NAALADL2: variants seen among roughly 807,000 people sequenced by gnomAD.
NAALADL2 encodes N-acetylated alpha-linked acidic dipeptidase like 2.
NAALADL2 carries 76 observed loss-of-function variants against 87.2 expected under a neutral mutation model. The observed-to-expected ratio is 0.87, with a 90% CI of 0.72 to 1.05. NAALADL2 has a LOEUF of 1.05. Among genes scored for constraint, NAALADL2 ranks in the 50% least tolerant of loss-of-function variants. The pLI is 0.00. For synonymous variants in NAALADL2, 354 were observed against 331.0 expected, an observed-to-expected ratio of 1.07 and a Z score of -0.75; for missense variants, 1,089 against 945.8, an observed-to-expected ratio of 1.15 and a Z score of -1.99.
intron 1 of NAALADL2, among the ~76,000 whole-genome samples, chr3:175,023,693 T>C (rs1162328951): frequency 1.3e-5 from 2 of 152,060 alleles, no homozygotes; most frequent in African/African-American, 4.8e-5. Context: ...CTAATAACAA[T>C]GAAATGCTTC....
chr3:174,924,142 A>G (rs1004295423), intron 1 of NAALADL2, among the ~76,000 whole-genome samples: 6 of 151,996 alleles, frequency 3.9e-5, no homozygotes, highest in Admixed American at 3.9e-4. Flanking sequence ...TACGTGTACC[A>G]TGTTGGTGTG....
intron 1 of NAALADL2, among the ~76,000 whole-genome samples, chr3:174,524,726 AAAAAG>A (rs1720577794): frequency 6.6e-6 from 1 of 151,860 alleles, no homozygotes; most frequent in African/African-American, 2.4e-5. Context: ...TAAAAAAAAA[AAAAAG>A]AAGAAAACAT....
intron 13 of NAALADL2, among the ~76,000 whole-genome samples, chr3:175,763,768 C>A (rs375144855): frequency 5.1e-4 from 77 of 152,246 alleles, no homozygotes; most frequent in African/African-American, 1.8e-3. Context: ...TCTTTATTCT[C>A]TCTCCACATT....
chr3:175,398,458 A>G (rs1202117772), intron 5 of NAALADL2, among the ~76,000 whole-genome samples: 1 of 147,098 alleles, frequency 6.8e-6, no homozygotes, highest in Non-Finnish European at 1.5e-5. Context: ...AAAGCACTGT[A>G]TGGTTCTCAT....
chr3:174,969,646 C>A (rs75967312), intron 1 of NAALADL2, among the ~76,000 whole-genome samples: 321 of 152,226 alleles, frequency 2.1e-3, no homozygotes, highest in African/African-American at 7.2e-3. Context: ...ACAACACCTT[C>A]AGGATACGGA....
At chr3:175,346,807 C>T (rs1329895920) in intron 5 of NAALADL2, among the ~76,000 whole-genome samples, 1 of 152,096 alleles carries the variant, frequency 6.6e-6, no homozygotes, top group Non-Finnish European at 1.5e-5. Flanking sequence ...AAACTGTGTT[C>T]CTTGTATGGA....
At position 175,520,682 on chromosome 3, in the gene NAALADL2, T is replaced by C. The variant is rs181817593; in HGVS notation, c.1653+48924T>C. Among the ~76,000 whole-genome samples the C allele has an allele frequency of 4.4e-3, 665 of 152,268 alleles. 1 individual carries two copies. The highest frequency in any genetic ancestry group is 0.014 in the African/African-American group (599 of 41,520). On this transcript the variant is annotated intron_variant, in intron 9 of 13. Coordinates refer to ENST00000454872, the MANE Select transcript of NAALADL2 (RefSeq NM_207015.3). Reference sequence around the variant, plus strand: ...ATCTGAAATTGCAGGATGTGAAATATAATTGAAGTAACTGATCTGTCAAGC... The same window carrying C: ...ATCTGAAATTGCAGGATGTGAAATACAATTGAAGTAACTGATCTGTCAAGC...
chr3:175,314,925 G>T (rs1299975655), intron 4 of NAALADL2, among the ~76,000 whole-genome samples: 1 of 151,568 alleles, frequency 6.6e-6, no homozygotes, highest in Non-Finnish European at 1.5e-5. Context: ...ACTCTATGAG[G>T]CATTGGGTAG....
chr3:175,575,546 A>AT (rs1318168767), intron 9 of NAALADL2, among the ~76,000 whole-genome samples: 1 of 152,038 alleles, frequency 6.6e-6, no homozygotes, highest in African/African-American at 2.4e-5. Flanking sequence ...CAGCCTCCCA[A>AT]AGTGCTGGGA....
At chr3:175,088,269 T>G (rs1719431658) in intron 1 of NAALADL2, among the ~76,000 whole-genome samples, 1 of 152,196 alleles carries the variant, frequency 6.6e-6, no homozygotes, top group Non-Finnish European at 1.5e-5. Context: ...GAATAGATTT[T>G]CAGAATTTAC....
intron 11 of NAALADL2, among the ~76,000 whole-genome samples, chr3:175,646,794 A>C (rs1730069938): frequency 6.6e-6 from 1 of 152,004 alleles, no homozygotes; most frequent in South Asian, 2.1e-4. Flanking sequence ...TATCTGATCT[A>C]CCTTTCTTAT....
At chr3:174,595,870 G>C (rs980877121) in intron 2 of NAALADL2, among the ~76,000 whole-genome samples, 6 of 152,102 alleles carry the variant, frequency 3.9e-5, no homozygotes, top group African/African-American at 9.7e-5. Context: ...AAATTAGCTG[G>C]GTGTGGTGGC....
At chr3:175,292,065 T>A (rs1025416045) in intron 4 of NAALADL2, among the ~76,000 whole-genome samples, 4 of 152,228 alleles carry the variant, frequency 2.6e-5, no homozygotes, top group African/African-American at 9.6e-5. Context: ...AAACAGAATT[T>A]GCATTGACTT....
At chr3:175,637,729 G>A (rs1357326254) in intron 11 of NAALADL2, among the ~76,000 whole-genome samples, 1 of 152,064 alleles carries the variant, frequency 6.6e-6, no homozygotes, top group Non-Finnish European at 1.5e-5. Flanking sequence ...TCTGCAAAAC[G>A]GCAAGCCAAA....
At chr3:174,949,972 C>A (rs1265376851) in intron 1 of NAALADL2, among the ~76,000 whole-genome samples, 5 of 152,062 alleles carry the variant, frequency 3.3e-5, no homozygotes. Context: ...GCATTGGAAC[C>A]ATTGAGGGCA....
intron 2 of NAALADL2, among the ~76,000 whole-genome samples, chr3:175,138,453 G>A (rs1194525855): frequency 5.3e-5 from 8 of 151,854 alleles, no homozygotes; most frequent in East Asian, 3.9e-4. Context: ...CAGGGTTTGG[G>A]GTAGTACAAG....
At chr3:174,475,286 G>A (rs927363522) in intron 1 of NAALADL2, among the ~76,000 whole-genome samples, 9 of 151,740 alleles carry the variant, frequency 5.9e-5, no homozygotes, top group Non-Finnish European at 8.8e-5. Context: ...AATTCTTTAC[G>A]TAAAATAATT....
At chr3:174,872,793 G>A (rs1274882888) in intron 1 of NAALADL2, among the ~76,000 whole-genome samples, 1 of 151,902 alleles carries the variant, frequency 6.6e-6, no homozygotes, top group East Asian at 1.9e-4. Context: ...TAAACATTCT[G>A]AAATTGCTCC....
At chr3:175,623,868 C>CT (rs1726600086) in intron 10 of NAALADL2, among the ~76,000 whole-genome samples, 1 of 149,174 alleles carries the variant, frequency 6.7e-6, no homozygotes, top group African/African-American at 2.5e-5. Context: ...TGTTTCTTGG[C>CT]GTTTTTTTGT....
Sources: allele counts gnomAD v4.1 joint callset (sites outside exome capture counted in the v4.1 genomes callset), GRCh38; gene constraint gnomAD v4.1.1; transcripts MANE v1.5; gene names NCBI Gene and HGNC (gene_info 2026-07-23, HGNC 2026-07-21).